The following ARVCF variants were observed in gnomAD, a reference collection of about 807,000 sequenced individuals.
ARVCF encodes the protein ARVCF delta catenin family member, also known as splicing regulator ARVCF.
Under a neutral mutation model 90.9 loss-of-function variants are expected in ARVCF, and 66 were observed. That is an observed-to-expected ratio of 0.73 (90% CI 0.60 to 0.89). ARVCF has a LOEUF of 0.89. ARVCF is among the 40% of genes least tolerant of loss of function. The pLI is 0.00. For missense variants in ARVCF, 1,469 were observed against 1,382.3 expected, an observed-to-expected ratio of 1.06 and a Z score of -1.00; for synonymous variants, 653 against 603.4, an observed-to-expected ratio of 1.08 and a Z score of -1.21.
chr22:19,995,373 T>C (rs1215954129), intron 2 of ARVCF, among the ~76,000 whole-genome samples: 3 of 141,256 alleles, frequency 2.1e-5, no homozygotes, highest in Admixed American at 7.2e-5. Context: ...CAGAGTGCGA[T>C]GCATGAATGG....
At chr22:19,989,247 C>T (rs1943935730) in intron 3 of ARVCF, among the ~76,000 whole-genome samples, 1 of 152,004 alleles carries the variant, frequency 6.6e-6, no homozygotes, top group Non-Finnish European at 1.5e-5. Flanking sequence ...CTCTGAGCAC[C>T]AGGGGCCATG....
At chr22:19,995,780 C>T (rs12165361) in intron 2 of ARVCF, among the ~76,000 whole-genome samples, 30,479 of 152,018 alleles carry the variant, frequency 0.2, 3,612 homozygotes, top group African/African-American at 0.32. Flanking sequence ...GCCAGGGCTG[C>T]GCTGGCCCCC....
intron 3 of ARVCF, chr22:19,987,176 G>C (rs376528962): frequency 1.4e-5 from 6 of 434,356 alleles, no homozygotes; most frequent in Non-Finnish European, 2.5e-5. Context: ...TCGGCCGCTC[G>C]GGCTCAGGCT....
At chr22:19,981,188 A>C (rs780529557) in intron 5 of ARVCF, 23 bp downstream of exon 5, 2 of 1,497,234 alleles carry the variant, frequency 1.3e-6, no homozygotes, top group South Asian at 2.6e-5. Context: ...GGAGGTAGCC[A>C]CAGGGGACGG....
At chr22:19,972,112 C>G in intron 17 of ARVCF, 141 bp from the exon 18 acceptor site, 1 of 927,706 alleles carries the variant, frequency 1.1e-6, no homozygotes, top group Non-Finnish European at 1.6e-6. Context: ...TCCTGGAGAT[C>G]CAGGCTGGTG....
intron 11 of ARVCF, among the ~76,000 whole-genome samples, chr22:19,975,049 C>G (rs1195905606): frequency 6.6e-6 from 1 of 152,208 alleles, no homozygotes; most frequent in Admixed American, 6.5e-5. Context: ...TACTCCTGCC[C>G]TGCTGGGCTT....
chr22:19,979,122 C>G (rs780730905), intron 6 of ARVCF, 42 bp from the exon 7 acceptor site: 1 of 1,579,700 alleles, frequency 6.3e-7, no homozygotes, highest in Non-Finnish European at 8.6e-7. Context: ...CCATATGCAC[C>G]GCCTGCCTAC....
At chr22:19,987,705 C>T (rs1259755344) in intron 3 of ARVCF, among the ~76,000 whole-genome samples, 1 of 152,034 alleles carries the variant, frequency 6.6e-6, no homozygotes, top group Non-Finnish European at 1.5e-5. Flanking sequence ...CTCCCAGATC[C>T]CCCCTCACCC....
intron 2 of ARVCF, among the ~76,000 whole-genome samples, chr22:19,998,509 C>T (rs1264403878): frequency 6.6e-6 from 1 of 152,192 alleles, no homozygotes; most frequent in Non-Finnish European, 1.5e-5. Context: ...GCCCCAGCTG[C>T]CCACCCAGAA....
intron 2 of ARVCF, among the ~76,000 whole-genome samples, chr22:20,002,804 T>C (rs912437367): frequency 3.3e-5 from 5 of 152,154 alleles, no homozygotes; most frequent in African/African-American, 7.2e-5. Flanking sequence ...ATGTGTGGAA[T>C]TGATTTTTTC....
chr22:19,980,445 A>C, intron 5 of ARVCF: 1 of 744,730 alleles, frequency 1.3e-6, no homozygotes, highest in Non-Finnish European at 1.9e-6. Context: ...CCAAATGCCA[A>C]ACCCCAGCCA....
intron 2 of ARVCF, among the ~76,000 whole-genome samples, chr22:20,008,927 G>C (rs774091387): frequency 3.3e-5 from 5 of 152,108 alleles, no homozygotes; most frequent in East Asian, 1.9e-4. Context: ...AGAACTGGAG[G>C]GGGGAGGGAA....
At chr22:20,015,314 C>A (rs774582685) in intron 1 of ARVCF, among the ~76,000 whole-genome samples, 1 of 152,138 alleles carries the variant, frequency 6.6e-6, no homozygotes, top group African/African-American at 2.4e-5. Flanking sequence ...GCAGACATTG[C>A]GGATAGGATG....
chr22:19,976,662 A>G (rs1326601114), intron 10 of ARVCF, 44 bp downstream of exon 10: 1 of 1,551,404 alleles, frequency 6.4e-7, no homozygotes, highest in South Asian at 1.2e-5. Flanking sequence ...CCAGGTACCC[A>G]CTGCACACGC....
chr22:19,992,376 G>A (rs868679801), intron 2 of ARVCF, among the ~76,000 whole-genome samples: 6 of 152,278 alleles, frequency 3.9e-5, no homozygotes, highest in Middle Eastern at 6.8e-3. Context: ...CAGACTGGGC[G>A]CTCCAGCAAA....
In ARVCF at chr22:19,972,911, C is replaced by T; in HGVS notation, c.2550+14G>A. ...AGTGAGCAGGGAATGGAAGGAAGGC[C>T]AGGGAAGCCGCACCTGGAAGCGCGC... On this transcript the variant is annotated intron_variant, in intron 15 of 19. Coordinates refer to ENST00000263207, the MANE Select transcript of ARVCF (RefSeq NM_001670.3). 2 of 1,613,808 alleles carry T rather than the reference C, an allele frequency of 1.2e-6. No individual in the cohort carries two copies. The highest frequency in any genetic ancestry group is 1.7e-6 in the Non-Finnish European group (2 of 1,180,006).
At chr22:19,986,993 G>T in intron 3 of ARVCF, 1 of 637,688 alleles carries the variant, frequency 1.6e-6, no homozygotes. Context: ...AACAAAAGCG[G>T]GTCCTCCCGG....
At chr22:19,980,480 C>T in intron 5 of ARVCF, 1 of 516,532 alleles carries the variant, frequency 1.9e-6, no homozygotes, top group Non-Finnish European at 3.1e-6. Flanking sequence ...CCAGGCAACC[C>T]TCCCAGGACA....
chr22:19,977,391 G>A, intron 9 of ARVCF, 24 bp downstream of exon 9: 1 of 1,494,150 alleles, frequency 6.7e-7, no homozygotes, highest in Non-Finnish European at 8.9e-7. Flanking sequence ...TGGTAGAGAT[G>A]ATACCCCAGT....
Sources: gnomAD v4.1 joint callset for allele counts (sites outside exome capture counted in the v4.1 genomes callset) on GRCh38, gnomAD v4.1.1 for gene constraint, MANE v1.5 for transcripts, NCBI Gene and HGNC (gene_info 2026-07-23, HGNC 2026-07-21) for gene names.